The following NLGN1 variants were observed in gnomAD, a reference collection of about 807,000 sequenced individuals.
NLGN1 encodes the protein neuroligin-1.
In NLGN1, 12 loss-of-function variants were observed where a neutral mutation model predicts 65.5. The ratio of observed to expected loss-of-function variants is 0.18; its 90% CI spans 0.12 to 0.30. The LOEUF (loss-of-function observed/expected upper bound fraction) is 0.30. Ranked by LOEUF, NLGN1 falls within the 10% of genes least tolerant of loss-of-function variation. NLGN1 has a pLI of 1.00. For synonymous variants in NLGN1, 350 were observed against 359.5 expected, an observed-to-expected ratio of 0.97 and a Z score of 0.30; for missense variants, 750 against 1,007.1, an observed-to-expected ratio of 0.74 and a Z score of 3.46.
intron 3 of NLGN1, among the ~76,000 whole-genome samples, chr3:173,701,965 C>T (rs983391353): frequency 2.6e-5 from 4 of 152,120 alleles, no homozygotes; most frequent in African/African-American, 7.2e-5. Context: ...TTCGGCCGGG[C>T]GCGGTGGCTC....
At chr3:173,519,871 G>T (rs934080997) in intron 2 of NLGN1, among the ~76,000 whole-genome samples, 8 of 152,032 alleles carry the variant, frequency 5.3e-5, no homozygotes, top group African/African-American at 1.9e-4. Flanking sequence ...TATTTGGAGG[G>T]GCCAAGGGTG....
chr3:173,772,277 A>G (rs1779700466), intron 3 of NLGN1, among the ~76,000 whole-genome samples: 2 of 152,066 alleles, frequency 1.3e-5, no homozygotes, highest in African/African-American at 2.4e-5. Flanking sequence ...ATTTGTTCAC[A>G]TTTTCTCATA....
chr3:174,023,714 G>T (rs920680768), intron 4 of NLGN1, among the ~76,000 whole-genome samples: 1 of 152,100 alleles, frequency 6.6e-6, no homozygotes, highest in Admixed American at 6.6e-5. Flanking sequence ...CTGGGAAATC[G>T]CAGTAGCAGC....
intron 4 of NLGN1, among the ~76,000 whole-genome samples, chr3:173,972,296 T>G (rs1716437143): frequency 6.6e-6 from 1 of 152,148 alleles, no homozygotes; most frequent in Admixed American, 6.6e-5. Context: ...GCTGGCTTAC[T>G]ACTTTATGAT....
chr3:173,781,810 A>C (rs1451982897), intron 3 of NLGN1, among the ~76,000 whole-genome samples: 1 of 152,238 alleles, frequency 6.6e-6, no homozygotes, highest in Non-Finnish European at 1.5e-5. Context: ...AAAAAGATGA[A>C]ATATTTTTTA....
chr3:173,798,533 A>C (rs778284624), intron 3 of NLGN1, among the ~76,000 whole-genome samples: 2 of 152,128 alleles, frequency 1.3e-5, no homozygotes, highest in African/African-American at 2.4e-5. Context: ...ATGAATGTCA[A>C]ATAATCCTAA....
chr3:173,856,422 G>A (rs913109154), intron 4 of NLGN1, among the ~76,000 whole-genome samples: 7 of 152,086 alleles, frequency 4.6e-5, no homozygotes, highest in African/African-American at 1.7e-4. Context: ...TAAGTCACAA[G>A]TTTGGAAACA....
intron 4 of NLGN1, among the ~76,000 whole-genome samples, chr3:174,124,633 GTA>G (rs558470721): frequency 1.7e-3 from 198 of 119,826 alleles, no homozygotes; most frequent in African/African-American, 7.2e-3. Context: ...ACACATATAC[GTA>G]TATATATAAG....
At chr3:173,734,381 A>ATTTTTTTTTT (rs71162356) in intron 3 of NLGN1, among the ~76,000 whole-genome samples, 704 of 40,094 alleles carry the variant, frequency 0.018, 65 homozygotes, top group Non-Finnish European at 0.022. Context: ...GGATAATTCT[A>ATTTTTTTTTT]TTTTTTTTTT....
chr3:173,508,800 A>G lies in NLGN1; in HGVS notation c.-321+73722A>G, dbSNP rs147935420. 7.2e-3 allele frequency among the ~76,000 whole-genome samples: 1,098 copies of G among 152,214 alleles called. 29 individuals carry two copies. Among genetic ancestry groups the G allele is most frequent in the South Asian group, 0.068 (329 of 4,818 alleles). ...CCAGTCTTATCGAACTCTCCTCTCC[A>G]GGGCTAACAGCCCTAGGGCGAATAT... On this transcript the variant is annotated intron_variant, in intron 2 of 6. Transcript: ENST00000457714.
intron 4 of NLGN1, among the ~76,000 whole-genome samples, chr3:174,199,831 C>T (rs1305393098): frequency 6.6e-6 from 1 of 152,188 alleles, no homozygotes; most frequent in Admixed American, 6.5e-5. Context: ...TATAAAAAGA[C>T]ACCCAATGGA....
intron 3 of NLGN1, among the ~76,000 whole-genome samples, chr3:173,667,838 G>A (rs1056551433): frequency 7.2e-5 from 11 of 151,940 alleles, no homozygotes; most frequent in African/African-American, 1.9e-4. Flanking sequence ...TCACCATATC[G>A]GACAGGCTGG....
At chr3:173,989,529 T>A (rs1402244686) in intron 4 of NLGN1, among the ~76,000 whole-genome samples, 2 of 152,206 alleles carry the variant, frequency 1.3e-5, no homozygotes, top group Non-Finnish European at 2.9e-5. Context: ...ATGCAGTGAA[T>A]CAAGTATAGT....
At chr3:174,122,422 A>G (rs1254064717) in intron 4 of NLGN1, among the ~76,000 whole-genome samples, 2 of 152,166 alleles carry the variant, frequency 1.3e-5, no homozygotes, top group African/African-American at 4.8e-5. Context: ...ATTGCTGCAC[A>G]CTTTCTTGCT....
chr3:174,153,353 A>G (rs2152707188), intron 4 of NLGN1, among the ~76,000 whole-genome samples: 1 of 152,260 alleles, frequency 6.6e-6, no homozygotes. Flanking sequence ...CTTAGGTTTG[A>G]AACAAACGTG....
At chr3:174,095,033 A>G (rs1484035160) in intron 4 of NLGN1, among the ~76,000 whole-genome samples, 4 of 152,076 alleles carry the variant, frequency 2.6e-5, no homozygotes, top group African/African-American at 7.2e-5. Flanking sequence ...CACCTTTTTC[A>G]GGGCATTTAT....
chr3:173,878,040 AT>A (rs909373645), intron 4 of NLGN1, among the ~76,000 whole-genome samples: 29 of 149,876 alleles, frequency 1.9e-4, no homozygotes, highest in South Asian at 6.3e-4. Context: ...CTTGAGAATT[AT>A]TTTTTTTTTA....
chr3:173,841,896 G>C (rs1272987175), intron 4 of NLGN1, among the ~76,000 whole-genome samples: 1 of 152,174 alleles, frequency 6.6e-6, no homozygotes, highest in African/African-American at 2.4e-5. Flanking sequence ...AGTAGGGACA[G>C]TATCTCAAAA....
chr3:173,581,631 A>G (rs532184820), intron 2 of NLGN1, among the ~76,000 whole-genome samples: 1 of 152,020 alleles, frequency 6.6e-6, no homozygotes, highest in Non-Finnish European at 1.5e-5. Flanking sequence ...AATATCAATT[A>G]TAGAAGTAAA....
Sources: gnomAD v4.1 joint callset for allele counts (sites outside exome capture counted in the v4.1 genomes callset) on GRCh38, gnomAD v4.1.1 for gene constraint, MANE v1.5 for transcripts, NCBI Gene and HGNC (gene_info 2026-07-23, HGNC 2026-07-21) for gene names.